The following CDH13 variants were observed in gnomAD, a reference collection of about 807,000 sequenced individuals.
CDH13 encodes the protein cadherin-13.
A neutral mutation model predicts 63.8 loss-of-function variants in CDH13; 24 were observed. That is an observed-to-expected ratio of 0.38 (90% CI 0.27 to 0.53). CDH13 has a LOEUF of 0.53. CDH13 is among the 20% of genes least tolerant of loss of function. The pLI is 0.85. For missense variants in CDH13, 1,049 were observed against 903.1 expected (o/e 1.16, Z -2.07); for synonymous variants, 503 against 355.3 (o/e 1.42, Z -4.67).
intron 7 of CDH13, among the ~76,000 whole-genome samples, chr16:83,513,006 G>C (rs1425993985): frequency 7.3e-6 from 1 of 136,896 alleles, no homozygotes; most frequent in Non-Finnish European, 1.6e-5. Flanking sequence ...GTATTTCGCA[G>C]ATTGGGAATA....
chr16:83,500,811 C>G (rs1190149969), intron 7 of CDH13, among the ~76,000 whole-genome samples: 1 of 151,410 alleles, frequency 6.6e-6, no homozygotes, highest in African/African-American at 2.4e-5. Context: ...AACTCCTGAC[C>G]TCAGGCGATC....
intron 2 of CDH13, among the ~76,000 whole-genome samples, chr16:82,990,650 G>A (rs1039829057): frequency 6.6e-6 from 1 of 151,092 alleles, no homozygotes; most frequent in Non-Finnish European, 1.5e-5. Context: ...GGGCTCAAGT[G>A]ATTCTCCCAC....
rs1229189825 is a variant in CDH13, at chr16:83,094,716, G to A, written c.367-30669G>A. Among the ~76,000 whole-genome samples the A allele has an allele frequency of 5.9e-5, 9 of 152,168 alleles. No homozygotes were observed. The East Asian group carries it at 1.2e-3, about 20-fold the overall frequency. ...ATCGTCCTGTATTTTCATTGAAGTA[G>A]CATTTCATAACCAGTAACAACTGTC... On this transcript the variant is annotated intron_variant, in intron 3 of 13. Coordinates refer to ENST00000567109, the MANE Select transcript of CDH13 (RefSeq NM_001257.5).
rs142130990 is a variant in CDH13 at position 82,638,415 on chromosome 16, G to T, written c.45+11278G>T. On this transcript the variant is annotated intron_variant, in intron 1 of 13. Coordinates refer to ENST00000567109, the MANE Select transcript of CDH13 (RefSeq NM_001257.5). ...TTTCCCTCCTTTTCTGTTTTCCCCT[G>T]TATTAAAACAACTGAAAAGGAATAT... Among the ~76,000 whole-genome samples, 45 of 152,248 alleles carry T rather than the reference G, an allele frequency of 3.0e-4. No individual in the cohort carries two copies. The East Asian group carries it at 7.5e-3, about 25-fold the overall frequency.
At chr16:83,569,345 C>A (rs181773365) in intron 7 of CDH13, among the ~76,000 whole-genome samples, 2 of 152,304 alleles carry the variant, frequency 1.3e-5, no homozygotes, top group Admixed American at 1.3e-4. Context: ...AGTTGATTGA[C>A]AGATTGTCCC....
chr16:83,475,956 A>G (rs527652004), intron 6 of CDH13, among the ~76,000 whole-genome samples: 1 of 152,282 alleles, frequency 6.6e-6, no homozygotes, highest in Admixed American at 6.5e-5. Flanking sequence ...TAGCGACAAT[A>G]AGCCCATTGT....
At chr16:82,941,115 C>T (rs566753781) in intron 2 of CDH13, among the ~76,000 whole-genome samples, 2 of 152,264 alleles carry the variant, frequency 1.3e-5, no homozygotes, top group South Asian at 2.1e-4. Context: ...GAAAAGTGAT[C>T]AGGAAGCTCT....
chr16:82,658,399 C>G (rs745468173), intron 1 of CDH13, among the ~76,000 whole-genome samples: 1 of 152,180 alleles, frequency 6.6e-6, no homozygotes, highest in African/African-American at 2.4e-5. Flanking sequence ...TCAATTGATT[C>G]TTAAATGTTC....
intron 10 of CDH13, among the ~76,000 whole-genome samples, chr16:83,742,412 C>G (rs1300204377): frequency 1.3e-5 from 2 of 152,140 alleles, no homozygotes; most frequent in Non-Finnish European, 2.9e-5. Context: ...CTGAAATGAG[C>G]TCAGCTTTTA....
intron 1 of CDH13, among the ~76,000 whole-genome samples, chr16:82,797,077 T>G (rs1455046869): frequency 6.6e-6 from 1 of 152,242 alleles, no homozygotes; most frequent in Non-Finnish European, 1.5e-5. Context: ...TTCCTCATCA[T>G]TCTAAAATTT....
At chr16:83,493,879 C>T (rs1165650981) in intron 7 of CDH13, among the ~76,000 whole-genome samples, 1 of 152,174 alleles carries the variant, frequency 6.6e-6, no homozygotes, top group South Asian at 2.1e-4. Flanking sequence ...CAGGTTGAGA[C>T]TGACAAGTTG....
chr16:83,581,259 A>G (rs2150721967), intron 7 of CDH13, among the ~76,000 whole-genome samples: 1 of 152,334 alleles, frequency 6.6e-6, no homozygotes, highest in Non-Finnish European at 1.5e-5. Flanking sequence ...CCCTGAGTAC[A>G]GCCTCAGTAT....
intron 2 of CDH13, among the ~76,000 whole-genome samples, chr16:82,999,614 T>G (rs1008890689): frequency 2.5e-4 from 38 of 152,164 alleles, no homozygotes; most frequent in Admixed American, 2.5e-3. Context: ...TAAAATAAGC[T>G]GAAAATTGAT....
At chr16:82,647,651 C>T (rs1298135755) in intron 1 of CDH13, among the ~76,000 whole-genome samples, 2 of 152,086 alleles carry the variant, frequency 1.3e-5, no homozygotes, top group Non-Finnish European at 2.9e-5. Flanking sequence ...CAAAGCTGCC[C>T]CAGGGGGCAC....
intron 3 of CDH13, among the ~76,000 whole-genome samples, chr16:83,115,490 A>G (rs749267364): frequency 2.6e-5 from 4 of 152,246 alleles, no homozygotes; most frequent in Non-Finnish European, 5.9e-5. Flanking sequence ...CAAACTCTCC[A>G]AAGGAATAAC....
Position 83,098,955 on chromosome 16 carries a change from A to G in CDH13, c.367-26430A>G, listed in dbSNP as rs546767492. On this transcript the variant is annotated intron_variant, in intron 3 of 13. Coordinates refer to ENST00000567109, the MANE Select transcript of CDH13 (RefSeq NM_001257.5). ...TAATAACAATCTCTTCAGGTACAGG[A>G]CAAATGTCATGACAGAATGCACTTT... Among the ~76,000 whole-genome samples the G allele has an allele frequency of 4.6e-5, 7 of 152,292 alleles. No homozygotes were observed. In the East Asian group the frequency reaches 1.4e-3, roughly 30 times the overall value.
At chr16:82,833,054 C>G (rs887871565) in intron 1 of CDH13, among the ~76,000 whole-genome samples, 1 of 152,094 alleles carries the variant, frequency 6.6e-6, no homozygotes, top group East Asian at 1.9e-4. Flanking sequence ...ACCTTTTTAC[C>G]CTGAAATGAG....
At chr16:83,526,539 G>T (rs748369607) in intron 7 of CDH13, among the ~76,000 whole-genome samples, 1 of 152,192 alleles carries the variant, frequency 6.6e-6, no homozygotes, top group South Asian at 2.1e-4. Context: ...TTGCTGATCT[G>T]ACAGGATACC....
At chr16:82,846,658 A>G (rs530847345) in intron 1 of CDH13, among the ~76,000 whole-genome samples, 162 of 152,208 alleles carry the variant, frequency 1.1e-3, no homozygotes, top group Non-Finnish European at 1.6e-3. Flanking sequence ...GTATAGTCAC[A>G]TAGGTTGTAG....
Sources: allele counts gnomAD v4.1 joint callset (sites outside exome capture counted in the v4.1 genomes callset), GRCh38; gene constraint gnomAD v4.1.1; transcripts MANE v1.5; gene names NCBI Gene and HGNC (gene_info 2026-07-23, HGNC 2026-07-21).